Variants in CHDH observed in about 807,000 individuals in gnomAD.
CHDH encodes choline dehydrogenase, mitochondrial.
In CHDH, 43 loss-of-function variants were observed where a neutral mutation model predicts 56.9. The ratio of observed to expected loss-of-function variants is 0.76; its 90% CI spans 0.59 to 0.97. The LOEUF (loss-of-function observed/expected upper bound fraction) is 0.97, where lower values mean the gene tolerates loss of function less well. Ranked by LOEUF, CHDH falls within the 50% of genes least tolerant of loss-of-function variation. The pLI is 0.00. For missense variants in CHDH, 816 were observed against 821.1 expected (o/e 0.99, Z 0.08); for synonymous variants, 364 against 348.5 (o/e 1.04, Z -0.50).
In CHDH at chr3:53,830,788, A is replaced by G. The variant is rs1243341132; in HGVS notation, c.-59-6721T>C. On this transcript the variant is annotated intron_variant, in intron 2 of 8. Transcript: ENST00000315251. Reference sequence around the variant, plus strand: ...TAATACATCTTAAAAGACTGAAATCAGGGAGGAGAAGAGCAAGATGGCAAA... The same window carrying G: ...TAATACATCTTAAAAGACTGAAATCGGGGAGGAGAAGAGCAAGATGGCAAA... Among the ~76,000 whole-genome samples the G allele has an allele frequency of 3.3e-5, 5 of 152,242 alleles. No individual in the cohort carries two copies. In the East Asian group the frequency reaches 9.6e-4, roughly 29 times the overall value.
chr3:53,820,993 G>A (rs28744591), intron 5 of CHDH, among the ~76,000 whole-genome samples: 16,524 of 152,272 alleles, frequency 0.11, 1,381 homozygotes, highest in African/African-American at 0.23. Flanking sequence ...TCACGCCAGC[G>A]TGGGGAAGGA....
intron 2 of CHDH, among the ~76,000 whole-genome samples, chr3:53,835,412 G>A (rs1279069001): frequency 2.0e-5 from 3 of 152,220 alleles, no homozygotes; most frequent in Non-Finnish European, 4.4e-5. Flanking sequence ...CCCCAGGCTT[G>A]CACTTGACCT....
rs747163132 is a variant in CHDH, at chr3:53,820,445, C to A, written c.1120+29G>T. Reference sequence around the variant, plus strand: ...AGGTCTCAATGCTTATAGGCAGTCTCCTCCCAGGTTACTGGTAAGCGTGCT... The same window carrying A: ...AGGTCTCAATGCTTATAGGCAGTCTACTCCCAGGTTACTGGTAAGCGTGCT... On this transcript the variant is annotated intron_variant, in intron 6 of 8. Coordinates refer to ENST00000315251, the MANE Select transcript of CHDH (RefSeq NM_018397.5). 51 of 1,594,136 alleles carry A rather than the reference C, an allele frequency of 3.2e-5. No homozygotes were observed. The Middle Eastern group carries it at 6.7e-4, about 21-fold the overall frequency.
chr3:53,843,187 C>T (rs116147287), intron 1 of CHDH, among the ~76,000 whole-genome samples: 32 of 21,884 alleles, frequency 1.5e-3, no homozygotes, highest in East Asian at 9.6e-3. Flanking sequence ...TCCCCCCCCA[C>T]CTTTTTTTTT....
rs1316359548 is a variant in CHDH, at chr3:53,819,550, G to A, written c.1245C>T (p.Thr415=). 1 of 1,611,692 alleles carries A rather than the reference G, an allele frequency of 6.2e-7. No homozygotes were observed. Among genetic ancestry groups the A allele is most frequent in the Non-Finnish European group, 8.5e-7 (1 of 1,178,744 alleles). Residue 415 remains threonine (T), a synonymous_variant, in exon 7 of 9, where the codon ACC becomes ACT. Coordinates refer to ENST00000315251, the MANE Select transcript of CHDH (RefSeq NM_018397.5). The surrounding 1 kb of genome is among the most constrained non-coding windows in gnomAD (Gnocchi z 5.4). The part of the protein sequence containing the change: ...SQVIDHGRVP[T]QQEAYQVHVG... Reference sequence around the variant, plus strand: ...TGCTCACCTGGTAAGCCTCCTGCTGGGTGGGGACCCGCCCGTGGTCAATCA... The same window carrying A: ...TGCTCACCTGGTAAGCCTCCTGCTGAGTGGGGACCCGCCCGTGGTCAATCA...
In CHDH at chr3:53,817,857, C is replaced by T. The variant is rs2095618494; in HGVS notation, c.1705G>A (p.Asp569Asn). 1.2e-6 allele frequency: 2 copies of T among 1,614,074 alleles called. No individual in the cohort carries two copies. Among genetic ancestry groups the T allele is most frequent in the Admixed American group, 1.7e-5 (1 of 60,012 alleles). The change falls in exon 9 of 9, where the codon GAC becomes AAC. Residue 569 changes from aspartate to asparagine, a missense_variant. Coordinates refer to ENST00000315251, the MANE Select transcript of CHDH (RefSeq NM_018397.5). ...PTIMIAEKAA[D>N]IIKGQPALWD... ...AGTGCAGGCTGCCCCTTGATAATGT[C>T]AGCTGCCTTCTCTGCGATCATGATT...
chr3:53,818,475 T>TAC (rs1408501820), intron 8 of CHDH, among the ~76,000 whole-genome samples: 2 of 152,060 alleles, frequency 1.3e-5, no homozygotes, highest in Admixed American at 1.3e-4. Flanking sequence ...CAGGGATAAG[T>TAC]ACACACACCC....
rs1012499588 is a variant in CHDH at position 53,815,213 on chromosome 3, A to G, written c.*2564T>C. On this transcript the variant is annotated 3_prime_UTR_variant, in exon 9 of 9. Transcript: ENST00000315251. The stretch of plus-strand genomic sequence containing the variant: ...TCCTGAGAGCACTGGGCACATGGAC[A>G]GCGCATTCTGTTGTGCTCTTTGAGC... The G allele has an allele frequency of 2.0e-5, 3 of 152,248 alleles. No homozygotes were observed. Among genetic ancestry groups the G allele is most frequent in the Admixed American group, 1.3e-4 (2 of 15,294 alleles). 9.4% of individuals were successfully genotyped at this position (152,248 alleles called of 1,614,324 possible). A position where few individuals can be genotyped will look rare whatever the true frequency, so the allele number is the denominator to read the frequency against.
At chr3:53,836,284 G>A (rs1698491610) in intron 2 of CHDH, among the ~76,000 whole-genome samples, 1 of 152,158 alleles carries the variant, frequency 6.6e-6, no homozygotes. Context: ...AAGACAGTGG[G>A]ACAAGCTTCC....
intron 2 of CHDH, among the ~76,000 whole-genome samples, chr3:53,828,842 T>A (rs1698241199): frequency 6.6e-6 from 1 of 152,194 alleles, no homozygotes; most frequent in African/African-American, 2.4e-5. Flanking sequence ...GTTTGGTGAT[T>A]TCTTGTAAAA....
intron 8 of CHDH, 34 bp from the exon 9 acceptor site, chr3:53,818,229 CT>C: frequency 6.5e-7 from 1 of 1,549,558 alleles, no homozygotes; most frequent in Non-Finnish European, 8.7e-7. Flanking sequence ...AGGACCCCTC[CT>C]TTTGCCCGTG....
chr3:53,821,098 C>T (rs1366792497), intron 5 of CHDH, among the ~76,000 whole-genome samples: 5 of 152,262 alleles, frequency 3.3e-5, no homozygotes, highest in Admixed American at 2.0e-4. Flanking sequence ...AGCACTTCCC[C>T]GGGCCCCTCA....
At position 53,816,143 on chromosome 3, in the gene CHDH, C is replaced by CGG. The variant is rs1443486900; in HGVS notation, c.*1633_*1634insCC. ...TTGTGGCTGTCGGACGCCCCCCCCC[C>CGG]CCGCCCCAGTCTGTAAGCCGCCCCA... is the stretch of plus-strand genomic sequence containing the variant. On this transcript the variant is annotated 3_prime_UTR_variant, in exon 9 of 9. Coordinates refer to ENST00000315251, the MANE Select transcript of CHDH (RefSeq NM_018397.5). The CGG allele has an allele frequency of 1.8e-5, 2 of 111,030 alleles. No individual in the cohort carries two copies. Among genetic ancestry groups the CGG allele is most frequent in the Admixed American group, 8.6e-5 (1 of 11,600 alleles). 6.9% of individuals were successfully genotyped at this position (111,030 alleles called of 1,614,324 possible).
chr3:53,827,044 G>A (rs760054748), intron 2 of CHDH, among the ~76,000 whole-genome samples: 1 of 152,146 alleles, frequency 6.6e-6, no homozygotes, highest in Admixed American at 6.6e-5. Context: ...ACTTTGGGAG[G>A]CTAAGGTCAG....
rs769815478 is a variant in CHDH at position 53,817,776 on chromosome 3, C to T, written c.*1G>A. ...CTGGTCATCCTCCAGCAGCAACTGT[C>T]TTAGCGCTGGGTGGCCAGCGTCCTG... is the stretch of plus-strand genomic sequence containing the variant. On this transcript the variant is annotated 3_prime_UTR_variant, in exon 9 of 9. Transcript: ENST00000315251. 1.9e-6 allele frequency: 3 copies of T among 1,593,336 alleles called. No homozygotes were observed. Among genetic ancestry groups the T allele is most frequent in the Non-Finnish European group, 2.6e-6 (3 of 1,169,736 alleles).
chr3:53,828,777 A>G (rs934900962), intron 2 of CHDH, among the ~76,000 whole-genome samples: 4 of 152,218 alleles, frequency 2.6e-5, no homozygotes, highest in African/African-American at 9.6e-5. Flanking sequence ...AGGCAACAGG[A>G]ACTTTCATTC....
At chr3:53,837,120 G>C (rs1309690213) in intron 2 of CHDH, among the ~76,000 whole-genome samples, 1 of 152,014 alleles carries the variant, frequency 6.6e-6, no homozygotes, top group African/African-American at 2.4e-5. Flanking sequence ...CTTCAGCCCA[G>C]GAGTTCAAGG....
At chr3:53,835,172 A>G (rs1359655733) in intron 2 of CHDH, among the ~76,000 whole-genome samples, 3 of 152,226 alleles carry the variant, frequency 2.0e-5, no homozygotes, top group Admixed American at 6.5e-5. Context: ...TGTTGTTTAC[A>G]GTGGCAAAGA....
intron 2 of CHDH, among the ~76,000 whole-genome samples, chr3:53,829,370 A>G (rs1264753232): frequency 1.3e-5 from 2 of 152,170 alleles, no homozygotes; most frequent in Non-Finnish European, 2.9e-5. Flanking sequence ...AGTGAACCCT[A>G]ATGTAAACTA....
Sources: gnomAD v4.1 joint callset for allele counts (sites outside exome capture counted in the v4.1 genomes callset) on GRCh38, gnomAD v4.1.1 for gene constraint, Gnocchi (gnomAD v3.1) non-coding constraint, MANE v1.5 for transcripts, NCBI Gene and HGNC (gene_info 2026-07-23, HGNC 2026-07-21) for gene names.